The following TMEFF2 variants were observed in gnomAD, a reference collection of about 807,000 sequenced individuals.
TMEFF2 encodes tomoregulin-2.
TMEFF2 carries 28 observed loss-of-function variants against 53.8 expected under a neutral mutation model. That is an observed-to-expected ratio of 0.52 (90% CI 0.39 to 0.71). The LOEUF is 0.71. Ranked by LOEUF, TMEFF2 falls within the 30% of genes least tolerant of loss-of-function variation. The pLI is 0.00. For missense variants in TMEFF2, 353 were observed against 455.2 expected (o/e 0.78, Z 2.04); for synonymous variants, 162 against 166.3 (o/e 0.97, Z 0.20).
chr2:192,106,041 A>T (rs1456698078), intron 4 of TMEFF2, among the ~76,000 whole-genome samples: 1 of 151,854 alleles, frequency 6.6e-6, no homozygotes, highest in African/African-American at 2.4e-5. Flanking sequence ...TTTAGGAATT[A>T]ATCTCAAGAA....
intron 9 of TMEFF2, 182 bp from the exon 10 acceptor site, chr2:191,950,589 G>C: frequency 1.2e-6 from 1 of 855,442 alleles, no homozygotes; most frequent in East Asian, 2.6e-5. Context: ...CTGTGCAGTT[G>C]TCTTTAAATT....
At chr2:192,100,885 G>A (rs1218339182) in intron 4 of TMEFF2, among the ~76,000 whole-genome samples, 1 of 152,062 alleles carries the variant, frequency 6.6e-6, no homozygotes, top group African/African-American at 2.4e-5. Flanking sequence ...TTCCTTATAT[G>A]AGTTCCTTTT....
intron 4 of TMEFF2, chr2:192,178,267 C>T (rs1392522288): frequency 6.6e-6 from 1 of 150,618 alleles, no homozygotes; most frequent in Non-Finnish European, 1.5e-5. Context: ...ATAATATTCC[C>T]ATGGTAAAAC....
chr2:192,131,998 C>G (rs903371332), intron 4 of TMEFF2, among the ~76,000 whole-genome samples: 9 of 152,090 alleles, frequency 5.9e-5, no homozygotes, highest in Non-Finnish European at 7.4e-5. Flanking sequence ...TGCAACTCGT[C>G]CCAAATCTTC....
At chr2:192,004,677 A>G (rs184235437) in intron 5 of TMEFF2, among the ~76,000 whole-genome samples, 381 of 152,336 alleles carry the variant, frequency 2.5e-3, no homozygotes, top group Admixed American at 3.9e-3. Context: ...GGTAGCAATT[A>G]TCATATAATG....
intron 5 of TMEFF2, among the ~76,000 whole-genome samples, chr2:192,007,201 C>T (rs545932906): frequency 1.3e-5 from 2 of 152,244 alleles, no homozygotes; most frequent in South Asian, 4.2e-4. Context: ...TCATATGGCA[C>T]ATACTCCATG....
chr2:191,962,963 C>T (rs148311281), intron 7 of TMEFF2, among the ~76,000 whole-genome samples: 1 of 152,134 alleles, frequency 6.6e-6, no homozygotes, highest in Non-Finnish European at 1.5e-5. Context: ...TAACTCCTAT[C>T]AGTTTACAGG....
intron 4 of TMEFF2, among the ~76,000 whole-genome samples, chr2:192,135,084 C>T (rs1430892985): frequency 6.6e-6 from 1 of 152,178 alleles, no homozygotes; most frequent in African/African-American, 2.4e-5. Context: ...AGACACCGGA[C>T]CAACTTAGAC....
chr2:191,952,774 CTTTTA>C (rs1691926868), intron 9 of TMEFF2, among the ~76,000 whole-genome samples: 1 of 149,942 alleles, frequency 6.7e-6, no homozygotes, highest in East Asian at 1.9e-4. Context: ...ACGATACTTT[CTTTTA>C]TTTTTGTATC....
intron 5 of TMEFF2, among the ~76,000 whole-genome samples, chr2:192,039,609 C>A (rs1394697187): frequency 1.3e-5 from 2 of 152,056 alleles, no homozygotes; most frequent in Non-Finnish European, 2.9e-5. Context: ...TTGCCACAAA[C>A]CAAGTCATCT....
intron 4 of TMEFF2, among the ~76,000 whole-genome samples, chr2:192,094,119 T>C (rs1350361138): frequency 6.6e-6 from 1 of 152,214 alleles, no homozygotes; most frequent in African/African-American, 2.4e-5. Context: ...TTGGTTTGAA[T>C]GAAGCTTATC....
At chr2:192,042,441 C>T (rs1180862922) in intron 5 of TMEFF2, among the ~76,000 whole-genome samples, 1 of 152,144 alleles carries the variant, frequency 6.6e-6, no homozygotes, top group Non-Finnish European at 1.5e-5. Flanking sequence ...CTGTACTGAA[C>T]TCAAGTTCCA....
At chr2:192,114,064 TTGTGTGTGTGTGTGTG>T (rs34553641) in intron 4 of TMEFF2, among the ~76,000 whole-genome samples, 26 of 143,166 alleles carry the variant, frequency 1.8e-4, no homozygotes, top group African/African-American at 5.6e-4. Flanking sequence ...AATCTGGAAA[TTGTGTGTGTGTGTGTG>T]TGTGTGTGTG....
intron 5 of TMEFF2, among the ~76,000 whole-genome samples, chr2:192,034,049 CCTGT>C: frequency 6.6e-6 from 1 of 151,936 alleles, no homozygotes; most frequent in East Asian, 1.9e-4. Context: ...GTGGCAAGCG[CCTGT>C]AGTCCCAGCT....
chr2:192,191,422 T>A (rs974672628), intron 2 of TMEFF2, among the ~76,000 whole-genome samples: 6 of 152,108 alleles, frequency 3.9e-5, no homozygotes, highest in Admixed American at 2.0e-4. Flanking sequence ...GTTACACTAA[T>A]AAGGAGTTAC....
intron 7 of TMEFF2, among the ~76,000 whole-genome samples, chr2:191,971,025 A>AT (rs888280171): frequency 2.6e-5 from 4 of 151,244 alleles, no homozygotes; most frequent in Admixed American, 6.6e-5. Context: ...GCTAAGATTC[A>AT]TTTTTTTTTC....
intron 4 of TMEFF2, among the ~76,000 whole-genome samples, chr2:192,164,469 C>G (rs1156403640): frequency 6.6e-6 from 1 of 152,146 alleles, no homozygotes. Context: ...GTGGCTCATG[C>G]CTGTAATCCC....
At chr2:192,106,815 A>G (rs1320143598) in intron 4 of TMEFF2, among the ~76,000 whole-genome samples, 2 of 151,878 alleles carry the variant, frequency 1.3e-5, no homozygotes, top group Non-Finnish European at 3.0e-5. Flanking sequence ...AAATACATCA[A>G]TAGTGGCAAA....
At position 192,194,814 on chromosome 2, in the gene TMEFF2, CAGG is replaced by C. The variant is rs1264988989; in HGVS notation, c.-293_-291del. On this transcript the variant is annotated 5_prime_UTR_variant, in exon 1 of 10. Transcript: ENST00000272771. This position sits in a 1 kb window ranked among gnomAD's most constrained non-coding sequence, Gnocchi z 4.2. ...GAGGGAGCTCTGGGAAGCCGGAGGA[CAGG>C]AGGAGACGGGAGTCCAGGGGCAGAC... 2.3e-6 allele frequency: 1 copy of C among 443,770 alleles called. No homozygotes were observed. The highest frequency in any genetic ancestry group is 4.1e-6 in the Non-Finnish European group (1 of 241,536). 27.5% of individuals were successfully genotyped at this position (443,770 alleles called of 1,614,324 possible). A position where few individuals can be genotyped will look rare whatever the true frequency, so the allele number is the denominator to read the frequency against.
Sources: allele counts gnomAD v4.1 joint callset (sites outside exome capture counted in the v4.1 genomes callset), GRCh38; gene constraint gnomAD v4.1.1; non-coding constraint Gnocchi (gnomAD v3.1); transcripts MANE v1.5; gene names NCBI Gene and HGNC (gene_info 2026-07-23, HGNC 2026-07-21).